The following PTPRD variants were observed in gnomAD, a reference collection of about 807,000 sequenced individuals.
PTPRD encodes the protein protein tyrosine phosphatase receptor type D, also known as receptor-type tyrosine-protein phosphatase delta.
PTPRD carries 34 observed loss-of-function variants against 214.5 expected under a neutral mutation model. The observed-to-expected ratio is 0.16, with a 90% CI of 0.12 to 0.21. PTPRD has a LOEUF of 0.21. PTPRD is among the 10% of genes least tolerant of loss of function. PTPRD has a pLI of 1.00. For missense variants in PTPRD, 2,545 were observed against 2,398.7 expected (o/e 1.06, Z -1.27); for synonymous variants, 1,128 against 845.7 (o/e 1.33, Z -5.79).
chr9:9,534,288 G>A (rs2076084873), intron 8 of PTPRD, among the ~76,000 whole-genome samples: 1 of 151,926 alleles, frequency 6.6e-6, no homozygotes, highest in African/African-American at 2.4e-5. Flanking sequence ...ATACAATATT[G>A]AAAGAATGAG....
At chr9:8,944,386 C>A (rs1415218085) in intron 11 of PTPRD, among the ~76,000 whole-genome samples, 2 of 152,056 alleles carry the variant, frequency 1.3e-5, no homozygotes, top group Non-Finnish European at 2.9e-5. Flanking sequence ...TATGATCCAG[C>A]AATTCCAGTG....
At chr9:9,835,486 C>T (rs186721814) in intron 5 of PTPRD, among the ~76,000 whole-genome samples, 1 of 152,202 alleles carries the variant, frequency 6.6e-6, no homozygotes, top group Admixed American at 6.6e-5. Context: ...ATTGTTGGCA[C>T]ACTGGAATAG....
At chr9:9,273,706 G>T (rs1943857488) in intron 9 of PTPRD, among the ~76,000 whole-genome samples, 2 of 151,296 alleles carry the variant, frequency 1.3e-5, no homozygotes, top group African/African-American at 2.4e-5. Context: ...GGTTAACCTA[G>T]CTCTGAGTGA....
chr9:9,359,089 C>CAG (rs1245766216), intron 9 of PTPRD, among the ~76,000 whole-genome samples: 1 of 151,360 alleles, frequency 6.6e-6, no homozygotes, highest in African/African-American at 2.4e-5. Flanking sequence ...ACTGTGAATA[C>CAG]TGGTTGTCAT....
intron 7 of PTPRD, among the ~76,000 whole-genome samples, chr9:9,584,625 G>C (rs895676847): frequency 4.6e-5 from 7 of 151,860 alleles, no homozygotes; most frequent in African/African-American, 1.7e-4. Context: ...AAATCCATGT[G>C]CATCTTCATC....
chr9:8,950,456 C>T (rs2099095392), intron 11 of PTPRD, among the ~76,000 whole-genome samples: 2 of 150,832 alleles, frequency 1.3e-5, no homozygotes, highest in South Asian at 4.2e-4. Context: ...CTTATATGCA[C>T]CAATTCAGTC....
intron 39 of PTPRD, among the ~76,000 whole-genome samples, chr9:8,373,799 A>G (rs2082268554): frequency 1.4e-5 from 2 of 143,200 alleles, no homozygotes; most frequent in Admixed American, 7.1e-5. Context: ...AATGCATTTT[A>G]AAAATTATGT....
chr9:9,026,000 AG>A (rs745450249), intron 10 of PTPRD, among the ~76,000 whole-genome samples: 4 of 151,998 alleles, frequency 2.6e-5, no homozygotes, highest in Non-Finnish European at 2.9e-5. Flanking sequence ...AAAGAAAGAA[AG>A]AAAGAGAAAG....
chr9:10,448,151 G>A (rs992058881), intron 2 of PTPRD, among the ~76,000 whole-genome samples: 13 of 151,990 alleles, frequency 8.6e-5, no homozygotes, highest in African/African-American at 3.1e-4. Context: ...CGAGTCTTAA[G>A]ACAGCATTAA....
chr9:9,768,542 T>C (rs1226609225), intron 5 of PTPRD, among the ~76,000 whole-genome samples: 1 of 152,184 alleles, frequency 6.6e-6, no homozygotes, highest in Non-Finnish European at 1.5e-5. Flanking sequence ...TCATGAATTT[T>C]ACATCAGAGA....
intron 4 of PTPRD, among the ~76,000 whole-genome samples, chr9:9,971,658 G>C (rs954928458): frequency 1.3e-5 from 2 of 152,154 alleles, no homozygotes; most frequent in African/African-American, 4.8e-5. Context: ...AGCATGCTTT[G>C]ACAAGGATCT....
chr9:9,356,978 G>C (rs1302154664), intron 9 of PTPRD, among the ~76,000 whole-genome samples: 1 of 151,288 alleles, frequency 6.6e-6, no homozygotes, highest in Non-Finnish European at 1.5e-5. Context: ...CAAGCAACCG[G>C]GTATAAAGCA....
intron 7 of PTPRD, among the ~76,000 whole-genome samples, chr9:9,587,053 A>T (rs1048191698): frequency 5.9e-5 from 9 of 151,940 alleles, no homozygotes; most frequent in African/African-American, 2.2e-4. Context: ...GAGGAAATGT[A>T]TGTGTATATA....
intron 8 of PTPRD, among the ~76,000 whole-genome samples, chr9:9,540,681 G>C (rs748406610): frequency 3.3e-5 from 5 of 151,734 alleles, no homozygotes; most frequent in African/African-American, 1.2e-4. Context: ...ATTAATATTA[G>C]GTTATATTAC....
At chr9:9,668,445 T>G (rs2096765023) in intron 7 of PTPRD, among the ~76,000 whole-genome samples, 1 of 152,198 alleles carries the variant, frequency 6.6e-6, no homozygotes, top group Admixed American at 6.5e-5. Context: ...GAATATATTG[T>G]ATTAATCCTT....
chr9:9,667,931 A>C (rs181668184), intron 7 of PTPRD, among the ~76,000 whole-genome samples: 1 of 152,170 alleles, frequency 6.6e-6, no homozygotes, highest in South Asian at 2.1e-4. Flanking sequence ...ACAATTACAG[A>C]TATTTCTAAA....
At chr9:9,215,463 T>C (rs1436445091) in intron 9 of PTPRD, among the ~76,000 whole-genome samples, 9 of 152,062 alleles carry the variant, frequency 5.9e-5, no homozygotes, top group East Asian at 1.9e-4. Context: ...TGAAAATATA[T>C]TACAAAATAT....
intron 12 of PTPRD, among the ~76,000 whole-genome samples, chr9:8,726,026 GACACACACACACACACACACACAC>G (rs71500962): frequency 2.2e-5 from 3 of 139,512 alleles, no homozygotes; most frequent in African/African-American, 8.5e-5. Context: ...CAGACAGACA[GACACACACACACACACACACACAC>G]ACACACACAC....
At chr9:10,603,534 A>C (rs1474253983) in intron 2 of PTPRD, among the ~76,000 whole-genome samples, 2 of 151,872 alleles carry the variant, frequency 1.3e-5, no homozygotes, top group East Asian at 3.9e-4. Flanking sequence ...CACATCTGGG[A>C]AAATACGTTA....
Sources: gnomAD v4.1 joint callset for allele counts (sites outside exome capture counted in the v4.1 genomes callset) on GRCh38, gnomAD v4.1.1 for gene constraint, MANE v1.5 for transcripts, NCBI Gene and HGNC (gene_info 2026-07-23, HGNC 2026-07-21) for gene names.